The following AK8 variants were observed in gnomAD, a reference collection of about 807,000 sequenced individuals.
The protein encoded by AK8 is ATP-AMP transphosphorylase 8.
AK8 carries 44 observed loss-of-function variants against 54.6 expected under a neutral mutation model. The observed-to-expected ratio is 0.81, with a 90% CI of 0.63 to 1.04. The LOEUF (loss-of-function observed/expected upper bound fraction) is 1.04. Ranked by LOEUF, AK8 falls within the 50% of genes least tolerant of loss-of-function variation. The pLI is 0.00. For missense variants in AK8, 555 were observed against 613.6 expected (o/e 0.90, Z 1.01); for synonymous variants, 239 against 245.6 (o/e 0.97, Z 0.25).
intron 6 of AK8, among the ~76,000 whole-genome samples, chr9:132,828,306 G>C (rs753143680): frequency 6.6e-5 from 10 of 152,228 alleles, no homozygotes; most frequent in Non-Finnish European, 1.3e-4. Flanking sequence ...ATGACGGAAA[G>C]TTCTGCCTGT....
intron 11 of AK8, among the ~76,000 whole-genome samples, chr9:132,772,960 C>G (rs1215997752): frequency 6.6e-6 from 1 of 152,188 alleles, no homozygotes; most frequent in African/African-American, 2.4e-5. Context: ...CTACCTTGTC[C>G]CCCTGCCTAC....
Position 132,725,840 on chromosome 9 carries a change from T to G in AK8, c.1288A>C (p.Lys430Gln). The G allele has an allele frequency of 1.2e-6, 2 of 1,608,918 alleles. No individual in the cohort carries two copies. The highest frequency in any genetic ancestry group is 1.7e-6 in the Non-Finnish European group (2 of 1,178,178). ...CTGTAGAACAGGTCCATTTTCAGCT[T>G]GACCTGCTCTTCAGCATCCTTTGGG... Reference protein sequence around the residue: ...QNPKDAEEQVKLKMDLFYRNS... With the variant: ...QNPKDAEEQVQLKMDLFYRNS... The change falls in exon 13 of 13, where the codon AAG (lysine) becomes CAG (glutamine). Residue 430 changes from lysine (K) to glutamine (Q), a missense_variant. Lys to Gln is a moderately conservative substitution (Grantham distance 53). Transcript: ENST00000298545.
chr9:132,857,079 G>A (rs1032703177), intron 4 of AK8, among the ~76,000 whole-genome samples: 3 of 152,168 alleles, frequency 2.0e-5, no homozygotes, highest in Admixed American at 6.5e-5. Context: ...AGGCGAGCCA[G>A]CATCCAGTCC....
intron 8 of AK8, among the ~76,000 whole-genome samples, chr9:132,824,758 G>T (rs2131297279): frequency 6.6e-6 from 1 of 152,320 alleles, no homozygotes; most frequent in South Asian, 2.1e-4. Context: ...AATTGGAAGG[G>T]TCATTAGAGA....
intron 5 of AK8, among the ~76,000 whole-genome samples, chr9:132,842,435 T>C (rs1478429475): frequency 6.6e-6 from 1 of 152,070 alleles, no homozygotes; most frequent in African/African-American, 2.4e-5. Context: ...ACTATGACAG[T>C]GCAGAGTTGG....
chr9:132,765,989 A>C (rs778178960), intron 11 of AK8, among the ~76,000 whole-genome samples: 4 of 152,262 alleles, frequency 2.6e-5, no homozygotes, highest in Non-Finnish European at 4.4e-5. Flanking sequence ...ACATTTAATA[A>C]AGTTGCAAAA....
intron 11 of AK8, among the ~76,000 whole-genome samples, chr9:132,766,634 A>G (rs1427778204): frequency 6.6e-6 from 1 of 152,136 alleles, no homozygotes. Context: ...CTTCACAGAA[A>G]TAGAAAAAAA....
chr9:132,818,097 T>C (rs534110879), intron 9 of AK8, among the ~76,000 whole-genome samples: 2 of 152,306 alleles, frequency 1.3e-5, no homozygotes, highest in East Asian at 1.9e-4. Flanking sequence ...ACTGTCAACA[T>C]AGATTTCTAT....
intron 11 of AK8, among the ~76,000 whole-genome samples, chr9:132,754,349 C>A (rs1838088403): frequency 6.6e-6 from 1 of 152,186 alleles, no homozygotes; most frequent in African/African-American, 2.4e-5. Context: ...GGAGCCAAAT[C>A]AGCATATTGC....
At chr9:132,850,123 G>A (rs573099188) in intron 5 of AK8, among the ~76,000 whole-genome samples, 31 of 145,518 alleles carry the variant, frequency 2.1e-4, no homozygotes, top group Middle Eastern at 3.9e-3. Flanking sequence ...GCGTGATGTC[G>A]GCTCACTGCA....
intron 5 of AK8, among the ~76,000 whole-genome samples, chr9:132,850,585 A>G (rs1049727090): frequency 2.8e-4 from 42 of 152,062 alleles, no homozygotes; most frequent in Non-Finnish European, 5.6e-4. Flanking sequence ...TTTAGTAAAG[A>G]CAGGGTTTTG....
intron 11 of AK8, among the ~76,000 whole-genome samples, chr9:132,740,953 T>C (rs977448907): frequency 2.6e-5 from 4 of 152,190 alleles, no homozygotes; most frequent in African/African-American, 9.7e-5. Context: ...TCTCAGAAGA[T>C]GGTGGGCCTG....
rs1170815887 is a variant in AK8 at position 132,878,239 on chromosome 9, G to A, written c.17C>T (p.Ala6Val). The change falls in exon 1 of 13, where the codon GCC (alanine) becomes GTC (valine). Residue 6 changes from alanine to valine, a missense_variant. Coordinates refer to ENST00000298545, the MANE Select transcript of AK8 (RefSeq NM_152572.3). The surrounding 1 kb of genome is among the most constrained non-coding windows in gnomAD (Gnocchi z 4.7). ...CATCTCGGGGGGGATACGGTGCGGGGCGATAGTGGCGTCCATGTAGCCGTC... is the reference window on the plus strand; with the variant it reads ...CATCTCGGGGGGGATACGGTGCGGGACGATAGTGGCGTCCATGTAGCCGTC... MDATI[A>V]PHRIPPEMPQ... 7.1e-7 allele frequency: 1 copy of A among 1,415,098 alleles called. No individual in the cohort carries two copies. Among genetic ancestry groups the A allele is most frequent in the East Asian group, 2.6e-5 (1 of 37,866 alleles). The allele number at this position is 1,415,098 out of a possible 1,614,324, so 87.7% of individuals were successfully genotyped here. A position where few individuals can be genotyped will look rare whatever the true frequency, so the allele number is the denominator to read the frequency against.
chr9:132,807,432 A>C (rs2131226433), intron 10 of AK8, among the ~76,000 whole-genome samples: 1 of 152,330 alleles, frequency 6.6e-6, no homozygotes, highest in South Asian at 2.1e-4. Flanking sequence ...CTTGGAGCAA[A>C]GACATAAACC....
At chr9:132,839,499 C>T (rs1300281911) in intron 5 of AK8, among the ~76,000 whole-genome samples, 1 of 152,138 alleles carries the variant, frequency 6.6e-6, no homozygotes, top group Non-Finnish European at 1.5e-5. Flanking sequence ...GAAGACTTCT[C>T]GAAGAGGTGC....
chr9:132,735,829 T>C (rs987526505), intron 11 of AK8, among the ~76,000 whole-genome samples: 2 of 152,196 alleles, frequency 1.3e-5, no homozygotes, highest in African/African-American at 4.8e-5. Flanking sequence ...CATCAATAGA[T>C]GAATGGATAA....
At chr9:132,805,943 CA>C (rs1240012852) in intron 10 of AK8, among the ~76,000 whole-genome samples, 2 of 151,940 alleles carry the variant, frequency 1.3e-5, no homozygotes, top group Non-Finnish European at 2.9e-5. Flanking sequence ...GCATAAATTA[CA>C]GGGGGCATCC....
chr9:132,864,189 C>T (rs61208574), intron 3 of AK8, among the ~76,000 whole-genome samples: 189 of 152,238 alleles, frequency 1.2e-3, no homozygotes, highest in African/African-American at 3.3e-3. Context: ...TGGGAGCTGG[C>T]ATGTGCTGGC....
intron 11 of AK8, among the ~76,000 whole-genome samples, chr9:132,740,808 C>T (rs1236945316): frequency 6.6e-6 from 1 of 152,190 alleles, no homozygotes. Flanking sequence ...GATGAACGGT[C>T]ATCTTCATCT....
Sources: gnomAD v4.1 joint callset for allele counts (sites outside exome capture counted in the v4.1 genomes callset) on GRCh38, gnomAD v4.1.1 for gene constraint, Gnocchi (gnomAD v3.1) non-coding constraint, MANE v1.5 for transcripts, NCBI Gene and HGNC (gene_info 2026-07-23, HGNC 2026-07-21) for gene names.